The following CACNA1C variants were observed in gnomAD, a reference collection of about 807,000 sequenced individuals.
CACNA1C encodes voltage-dependent L-type calcium channel subunit alpha-1C.
A neutral mutation model predicts 229.0 loss-of-function variants in CACNA1C; 30 were observed. The observed-to-expected ratio is 0.13, with a 90% CI of 0.10 to 0.18. The LOEUF is 0.18. Ranked by LOEUF, CACNA1C falls within the 10% of genes least tolerant of loss-of-function variation. CACNA1C has a pLI of 1.00. For synonymous variants in CACNA1C, 1,114 were observed against 1,132.5 expected (o/e 0.98, Z 0.33); for missense variants, 1,658 against 2,845.0 (o/e 0.58, Z 9.49).
intron 3 of CACNA1C, among the ~76,000 whole-genome samples, chr12:2,411,741 T>G (rs2098809180): frequency 6.6e-6 from 1 of 152,198 alleles, no homozygotes; most frequent in African/African-American, 2.4e-5. Flanking sequence ...TGCAGGGGAT[T>G]AGCCCAGCGC....
intron 3 of CACNA1C, among the ~76,000 whole-genome samples, chr12:2,230,500 G>C (rs2154361508): frequency 6.6e-6 from 1 of 152,338 alleles, no homozygotes; most frequent in Admixed American, 6.5e-5. Flanking sequence ...GAACCTGAGT[G>C]TCCAAAAGGC....
At position 2,486,836 on chromosome 12, in the gene CACNA1C, C is replaced by T. The variant is rs985345709; in HGVS notation, c.916+574C>T. The stretch of plus-strand genomic sequence containing the variant: ...GTGGGGGAGGAGGGCAGGTGGGAAT[C>T]ACCCCCTTGCCGGCAGCCAAACTTC... On this transcript the variant is annotated intron_variant, in intron 6 of 46. Transcript: ENST00000399655. The surrounding 1 kb of genome is among the most constrained non-coding windows in gnomAD (Gnocchi z 4.9). 7.2e-5 allele frequency among the ~76,000 whole-genome samples: 11 copies of T among 152,180 alleles called. No homozygotes were observed. Among genetic ancestry groups the T allele is most frequent in the African/African-American group, 2.4e-4 (10 of 41,442 alleles).
intron 3 of CACNA1C, among the ~76,000 whole-genome samples, chr12:2,243,929 G>T (rs1304071053): frequency 6.6e-6 from 1 of 152,188 alleles, no homozygotes; most frequent in Non-Finnish European, 1.5e-5. Flanking sequence ...GAATGACTAG[G>T]TGCACATAAG....
intron 9 of CACNA1C, among the ~76,000 whole-genome samples, chr12:2,540,710 A>G (rs1190074525): frequency 6.6e-6 from 1 of 152,176 alleles, no homozygotes; most frequent in Non-Finnish European, 1.5e-5. Flanking sequence ...GGCATGACGT[A>G]GGGCCCCATG....
rs185893188 is a variant in CACNA1C, at chr12:2,657,752, C to G, written c.4232+2514C>G. On this transcript the variant is annotated intron_variant, in intron 34 of 46. Coordinates refer to ENST00000399655, the MANE Select transcript of CACNA1C (RefSeq NM_000719.7). ...TAACAGCTACAGTAAAACAAAATGGCCTAAAGAAAATGCAAATAAAAGGAT... is the reference window on the plus strand; with the variant it reads ...TAACAGCTACAGTAAAACAAAATGGGCTAAAGAAAATGCAAATAAAAGGAT... Among the ~76,000 whole-genome samples the G allele has an allele frequency of 3.9e-5, 6 of 151,926 alleles. No homozygotes were observed. In the East Asian group the frequency reaches 1.2e-3, roughly 29 times the overall value.
intron 1 of CACNA1C, among the ~76,000 whole-genome samples, chr12:2,064,675 TG>T (rs375677919): frequency 7.2e-5 from 11 of 152,198 alleles, no homozygotes; most frequent in African/African-American, 2.6e-4. Flanking sequence ...AAGCGAGCAG[TG>T]GGTAGACAGC....
At chr12:2,208,476 G>A (rs980971420) in intron 3 of CACNA1C, among the ~76,000 whole-genome samples, 3 of 152,156 alleles carry the variant, frequency 2.0e-5, no homozygotes, top group Non-Finnish European at 2.9e-5. Flanking sequence ...TGCAGTGCCC[G>A]TTAGAGTGGA....
intron 3 of CACNA1C, among the ~76,000 whole-genome samples, chr12:2,396,702 C>T (rs1001639238): frequency 2.6e-5 from 4 of 152,254 alleles, no homozygotes; most frequent in African/African-American, 7.2e-5. Context: ...ACACAGCAGG[C>T]GCCTCTTGGC....
intron 10 of CACNA1C, chr12:2,550,487 TG>T: frequency 7.7e-7 from 1 of 1,303,358 alleles, no homozygotes; most frequent in South Asian, 1.2e-5. Context: ...GGTGAGAAGA[TG>T]TTCTGGGAGA....
intron 3 of CACNA1C, among the ~76,000 whole-genome samples, chr12:2,267,689 A>C (rs2082908629): frequency 6.6e-6 from 1 of 152,238 alleles, no homozygotes; most frequent in Admixed American, 6.5e-5. Flanking sequence ...GAGTTCCTTC[A>C]TCCCAGAGTA....
chr12:2,498,786 T>TG (rs746167293), intron 7 of CACNA1C, among the ~76,000 whole-genome samples: 9 of 152,188 alleles, frequency 5.9e-5, no homozygotes, highest in Non-Finnish European at 1.3e-4. Context: ...TGTCTCAGTT[T>TG]GGGAGGCCGC....
chr12:2,441,803 ACT>A (rs1207334399), intron 3 of CACNA1C, among the ~76,000 whole-genome samples: 1 of 151,986 alleles, frequency 6.6e-6, no homozygotes, highest in Non-Finnish European at 1.5e-5. Context: ...CTCTGTCCAC[ACT>A]CTGTCATATT....
chr12:2,281,012 G>A (rs938525409), intron 3 of CACNA1C, among the ~76,000 whole-genome samples: 3 of 152,068 alleles, frequency 2.0e-5, no homozygotes, highest in Non-Finnish European at 4.4e-5. Context: ...TGCACAACGT[G>A]CAGGTTAGTT....
intron 3 of CACNA1C, among the ~76,000 whole-genome samples, chr12:2,155,272 G>A (rs2095501701): frequency 1.3e-5 from 2 of 152,148 alleles, no homozygotes; most frequent in Admixed American, 6.5e-5. Context: ...AGTTTTGTTA[G>A]TGCTCTTCAG....
intron 1 of CACNA1C, among the ~76,000 whole-genome samples, chr12:1,987,576 T>C (rs756055299): frequency 1.1e-4 from 16 of 152,236 alleles, no homozygotes; most frequent in Non-Finnish European, 1.6e-4. Context: ...CAGTTCTTTC[T>C]GCTCTCCATT....
chr12:2,417,946 G>A (rs2098931469), intron 3 of CACNA1C, among the ~76,000 whole-genome samples: 1 of 152,124 alleles, frequency 6.6e-6, no homozygotes, highest in Non-Finnish European at 1.5e-5. Context: ...GGCCTCCCAG[G>A]TACAGGTGCT....
At chr12:2,507,364 C>G (rs535734353) in intron 8 of CACNA1C, among the ~76,000 whole-genome samples, 1 of 152,314 alleles carries the variant, frequency 6.6e-6, no homozygotes, top group Admixed American at 6.5e-5. Context: ...GGGCTGGCCA[C>G]TCTGAATTGG....
intron 3 of CACNA1C, among the ~76,000 whole-genome samples, chr12:2,177,327 A>G (rs995047344): frequency 6.6e-6 from 1 of 152,050 alleles, no homozygotes; most frequent in African/African-American, 2.4e-5. Context: ...CCAGAGAGAC[A>G]CTCCACCTCA....
At chr12:2,357,206 T>TC (rs2154529200) in intron 3 of CACNA1C, among the ~76,000 whole-genome samples, 2 of 152,316 alleles carry the variant, frequency 1.3e-5, no homozygotes, top group East Asian at 3.9e-4. Context: ...AACCTGCTGT[T>TC]CCCCAGCTGC....
Sources: allele counts gnomAD v4.1 joint callset (sites outside exome capture counted in the v4.1 genomes callset), GRCh38; gene constraint gnomAD v4.1.1; non-coding constraint Gnocchi (gnomAD v3.1); transcripts MANE v1.5; gene names NCBI Gene and HGNC (gene_info 2026-07-23, HGNC 2026-07-21).